The following KCNAB2 variants were observed in gnomAD, a reference collection of about 807,000 sequenced individuals.
The protein encoded by KCNAB2 is potassium voltage-gated channel subfamily A regulatory beta subunit 2, also known as voltage-gated potassium channel subunit beta-2.
A neutral mutation model predicts 63.6 loss-of-function variants in KCNAB2; 29 were observed. The observed-to-expected ratio is 0.46, with a 90% confidence interval of 0.34 to 0.62. The LOEUF (loss-of-function observed/expected upper bound fraction) is 0.62. Ranked by LOEUF, KCNAB2 falls within the 20% of genes least tolerant of loss-of-function variation. The pLI is 0.01. For synonymous variants in KCNAB2, 222 were observed against 224.2 expected (o/e 0.99, Z 0.09); for missense variants, 359 against 563.9 (o/e 0.64, Z 3.68).
At chr1:6,030,411 T>G (rs1431279388), upstream of KCNAB2, among the ~76,000 whole-genome samples, 2 of 152,174 alleles carry the variant, frequency 1.3e-5, no homozygotes, top group East Asian at 3.8e-4. Flanking sequence ...GTCACATGGT[T>G]GCACAGGAGC....
upstream of KCNAB2, among the ~76,000 whole-genome samples, chr1:6,030,530 T>C (rs551211959): frequency 7.4e-4 from 112 of 152,126 alleles, 1 homozygote; most frequent in African/African-American, 2.6e-3. Flanking sequence ...TGTGTGTATG[T>C]GTGTGTACAT....
chr1:5,996,313 C>T (rs1656934301), intron 1 of KCNAB2, among the ~76,000 whole-genome samples: 1 of 152,230 alleles, frequency 6.6e-6, no homozygotes, highest in African/African-American at 2.4e-5. Context: ...CTCTTGTCCT[C>T]TGCCACATCC....
chr1:6,000,719 A>G (rs973434597), intron 1 of KCNAB2, among the ~76,000 whole-genome samples: 24 of 151,968 alleles, frequency 1.6e-4, no homozygotes, highest in African/African-American at 5.8e-4. Context: ...CATGAAGCCT[A>G]TAGGCCGTTG....
At chr1:6,030,516 T>C (rs562165102), upstream of KCNAB2, among the ~76,000 whole-genome samples, 27 of 149,718 alleles carry the variant, frequency 1.8e-4, 1 homozygote, top group South Asian at 4.8e-3. Flanking sequence ...GTGTTATGTA[T>C]GTATGTGTGT....
chr1:6,041,262 A>G (rs934274821), upstream of KCNAB2: 1 of 163,442 alleles, frequency 6.1e-6, no homozygotes, highest in Non-Finnish European at 1.3e-5. Flanking sequence ...GGGACAGAGC[A>G]TAGAACCCAC....
At chr1:6,042,843 ACCCCCC>A (rs1157271557), upstream of KCNAB2, among the ~76,000 whole-genome samples, 9 of 29,028 alleles carry the variant, frequency 3.1e-4, no homozygotes, top group South Asian at 8.3e-3. Context: ...CCCACTCCCC[ACCCCCC>A]CCCCCGTTTG....
In KCNAB2 at chr1:6,096,209, GGGCCCCCCTCC is replaced by G. The variant is rs1665623168; in HGVS notation, c.949-426_949-416del. ...CTCCTCCCATCCCATGGCAAGGTCAGGGCCCCCCTCCAGGAGGCCCTGCAATCCTCTGGGGG... is the reference window on the plus strand; with the variant it reads ...CTCCTCCCATCCCATGGCAAGGTCAGAGGAGGCCCTGCAATCCTCTGGGGG... On this transcript the variant is annotated intron_variant, in intron 13 of 15. Transcript: ENST00000378083. The surrounding 1 kb of genome is among the most constrained non-coding windows in gnomAD (Gnocchi z 5.9). 2 of 455,448 alleles carry G rather than the reference GGGCCCCCCTCC, an allele frequency of 4.4e-6. No individual in the cohort carries two copies. Among genetic ancestry groups the G allele is most frequent in the Non-Finnish European group, 8.8e-6 (2 of 227,564 alleles). 28.2% of individuals were successfully genotyped at this position (455,448 alleles called of 1,614,324 possible). A position where few individuals can be genotyped will look rare whatever the true frequency, so the allele number is the denominator to read the frequency against.
intron 1 of KCNAB2, among the ~76,000 whole-genome samples, chr1:6,020,050 A>AG (rs1167616044): frequency 5.3e-5 from 8 of 151,954 alleles, no homozygotes; most frequent in African/African-American, 1.9e-4. Context: ...GGTCTTGCGG[A>AG]GGGGGGTCAT....
intron 2 of KCNAB2, among the ~76,000 whole-genome samples, chr1:6,060,631 G>A (rs944590072): frequency 1.3e-5 from 2 of 152,188 alleles, no homozygotes; most frequent in Admixed American, 6.5e-5. Context: ...GCCAAGCGTG[G>A]TGGCTCACGC....
chr1:6,098,634 T>C lies in KCNAB2; in HGVS notation c.*60T>C. On this transcript the variant is annotated 3_prime_UTR_variant, in exon 16 of 16. Coordinates refer to ENST00000378083, the MANE Select transcript of KCNAB2 (RefSeq NM_001199862.2). ...TCCCTCCTAGTCTCTGTTCGCTCGC[T>C]TAAGCTGTTTTGAAGCCAAGTGAAG... 1 of 1,581,488 alleles carries C rather than the reference T, an allele frequency of 6.3e-7. No individual in the cohort carries two copies. Among genetic ancestry groups the C allele is most frequent in the Non-Finnish European group, 8.6e-7 (1 of 1,161,462 alleles).
At chr1:6,042,843 A>ACCAC (rs1660611217), upstream of KCNAB2, among the ~76,000 whole-genome samples, 5 of 29,028 alleles carry the variant, frequency 1.7e-4, 1 homozygote, top group Non-Finnish European at 3.4e-4. Context: ...CCCACTCCCC[A>ACCAC]CCCCCCCCCC....
At chr1:6,058,703 A>T (rs1662051796) in intron 2 of KCNAB2, among the ~76,000 whole-genome samples, 1 of 152,244 alleles carries the variant, frequency 6.6e-6, no homozygotes, top group Admixed American at 6.5e-5. Flanking sequence ...GATGTAGTTC[A>T]GTGCCGCGCA....
chr1:5,999,165 TG>T (rs749616141), intron 1 of KCNAB2, among the ~76,000 whole-genome samples: 21 of 152,350 alleles, frequency 1.4e-4, no homozygotes, highest in Non-Finnish European at 2.4e-4. Context: ...TTAGCCTTGT[TG>T]GTTGCCCTGC....
intron 2 of KCNAB2, among the ~76,000 whole-genome samples, chr1:6,067,619 C>T (rs1662865427): frequency 6.6e-6 from 1 of 152,220 alleles, no homozygotes; most frequent in African/African-American, 2.4e-5. Flanking sequence ...GTGAGACATG[C>T]TTTAATGAAC....
At chr1:6,042,701 G>A (rs529070054), upstream of KCNAB2, among the ~76,000 whole-genome samples, 6 of 152,308 alleles carry the variant, frequency 3.9e-5, no homozygotes, top group Middle Eastern at 3.4e-3. Context: ...GCATCTTGGC[G>A]GTCAGGCCGG....
chr1:6,042,262 TC>T (rs1306720302), upstream of KCNAB2, among the ~76,000 whole-genome samples: 1 of 152,086 alleles, frequency 6.6e-6, no homozygotes, highest in African/African-American at 2.4e-5. Context: ...GCCCATCCGT[TC>T]CCCCTTTGCC....
chr1:6,059,116 G>C (rs949066824), intron 2 of KCNAB2, among the ~76,000 whole-genome samples: 3 of 152,196 alleles, frequency 2.0e-5, no homozygotes, highest in Non-Finnish European at 4.4e-5. Context: ...CCTTGTAACC[G>C]ACTGATGATG....
At chr1:6,077,543 C>T (rs1663769084) in intron 4 of KCNAB2, among the ~76,000 whole-genome samples, 1 of 152,206 alleles carries the variant, frequency 6.6e-6, no homozygotes. Context: ...CCCTGCTGAT[C>T]CGGCTGTCTG....
intron 2 of KCNAB2, among the ~76,000 whole-genome samples, chr1:6,057,457 G>A (rs1378118298): frequency 6.6e-6 from 1 of 150,442 alleles, no homozygotes; most frequent in African/African-American, 2.5e-5. Flanking sequence ...AGGAGGAGGG[G>A]AAGGAGAAAA....
Sources: gnomAD v4.1 joint callset for allele counts (sites outside exome capture counted in the v4.1 genomes callset) on GRCh38, gnomAD v4.1.1 for gene constraint, Gnocchi (gnomAD v3.1) non-coding constraint, MANE v1.5 for transcripts, NCBI Gene and HGNC (gene_info 2026-07-23, HGNC 2026-07-21) for gene names.